The following RPTOR variants were observed in gnomAD, a reference collection of about 807,000 sequenced individuals.
RPTOR encodes regulatory associated protein of MTOR complex 1.
RPTOR carries 21 observed loss-of-function variants against 169.9 expected under a neutral mutation model. That is an observed-to-expected ratio of 0.12 (90% confidence interval 0.09 to 0.18). The LOEUF (loss-of-function observed/expected upper bound fraction) is 0.18, where lower values mean the gene tolerates loss of function less well. RPTOR is among the 10% of genes least tolerant of loss of function. The pLI is 1.00. For missense variants in RPTOR, 1,133 were observed against 1,855.9 expected (o/e 0.61, Z 7.16); for synonymous variants, 732 against 753.2 (o/e 0.97, Z 0.46).
In RPTOR at chr17:80,885,159, C is replaced by A. The variant is rs1344702224; in HGVS notation, c.1983+11C>A. The A allele has an allele frequency of 6.4e-7, 1 of 1,550,534 alleles. No homozygotes were observed. Among genetic ancestry groups the A allele is most frequent in the East Asian group, 2.4e-5 (1 of 41,048 alleles). ...CCCATGGTCCGGAAGGTGCGTGAACCCCCAGCCCGGCAGCAGCAGGGCACC... is the reference window on the plus strand; with the variant it reads ...CCCATGGTCCGGAAGGTGCGTGAACACCCAGCCCGGCAGCAGCAGGGCACC... On this transcript the variant is annotated intron_variant, in intron 17 of 33. Transcript: ENST00000306801.
At chr17:80,862,460 G>A (rs1383581924) in intron 13 of RPTOR, among the ~76,000 whole-genome samples, 1 of 150,400 alleles carries the variant, frequency 6.6e-6, no homozygotes, top group Non-Finnish European at 1.5e-5. Flanking sequence ...GCGGTCCTCC[G>A]GATCTCCACC....
At chr17:80,747,090 G>A (rs1460860054) in intron 5 of RPTOR, among the ~76,000 whole-genome samples, 2 of 152,148 alleles carry the variant, frequency 1.3e-5, no homozygotes, top group Non-Finnish European at 2.9e-5. Flanking sequence ...GGTGGCACTC[G>A]CCTGTGATCC....
At chr17:80,685,627 A>ATTTTTTT (rs1165540456) in intron 3 of RPTOR, among the ~76,000 whole-genome samples, 12 of 30,680 alleles carry the variant, frequency 3.9e-4, no homozygotes, top group Non-Finnish European at 5.4e-4. Context: ...ATATATATAT[A>ATTTTTTT]TTTTTTTTTT....
chr17:80,860,812 T>C lies in RPTOR; in HGVS notation c.1509+2912T>C, dbSNP rs900720134. ...TTCCGGTTCTGGGATCTCTCACTCT[T>C]TTTCTGGGCCTGGGGCACTGACCAT... On this transcript the variant is annotated intron_variant, in intron 13 of 33. Coordinates refer to ENST00000306801, the MANE Select transcript of RPTOR (RefSeq NM_020761.3). The surrounding 1 kb of genome is among the most constrained non-coding windows in gnomAD (Gnocchi z 5.8). Among the ~76,000 whole-genome samples, 1 of 152,010 alleles carries C rather than the reference T, an allele frequency of 6.6e-6. No individual in the cohort carries two copies. The highest frequency in any genetic ancestry group is 1.5e-5 in the Non-Finnish European group (1 of 68,018).
intron 3 of RPTOR, among the ~76,000 whole-genome samples, chr17:80,647,650 G>A (rs1210477579): frequency 6.6e-6 from 1 of 152,162 alleles, no homozygotes. Flanking sequence ...CATTTACTAA[G>A]GAAGATGAAA....
At chr17:80,948,479 A>T (rs1193554379) in intron 27 of RPTOR, 1 of 152,476 alleles carries the variant, frequency 6.6e-6, no homozygotes, top group Admixed American at 6.5e-5. Flanking sequence ...TTTCGGAGAG[A>T]CCAGATGTGA....
intron 18 of RPTOR, among the ~76,000 whole-genome samples, chr17:80,892,159 A>G (rs1341911507): frequency 1.3e-5 from 2 of 151,936 alleles, no homozygotes; most frequent in Non-Finnish European, 2.9e-5. Context: ...GCGATGAGTA[A>G]TTTCATCACA....
intron 25 of RPTOR, among the ~76,000 whole-genome samples, chr17:80,942,436 C>A (rs1231857284): frequency 6.6e-6 from 1 of 150,980 alleles, no homozygotes; most frequent in African/African-American, 2.4e-5. Flanking sequence ...TATTTGTAAA[C>A]CAGAGTTTGT....
chr17:80,606,204 G>T (rs1013694770), intron 1 of RPTOR, among the ~76,000 whole-genome samples: 1 of 151,750 alleles, frequency 6.6e-6, no homozygotes, highest in Non-Finnish European at 1.5e-5. Flanking sequence ...TAGAGACGGG[G>T]TTTCACCATG....
intron 3 of RPTOR, among the ~76,000 whole-genome samples, chr17:80,702,862 T>C (rs571611443): frequency 6.6e-6 from 1 of 152,200 alleles, no homozygotes; most frequent in Non-Finnish European, 1.5e-5. Flanking sequence ...ATGATTTTCC[T>C]GTGGAGCTGT....
intron 6 of RPTOR, among the ~76,000 whole-genome samples, chr17:80,789,153 G>GT (rs747868821): frequency 1.3e-5 from 2 of 152,148 alleles, no homozygotes; most frequent in Non-Finnish European, 2.9e-5. Context: ...TTTATAATGT[G>GT]TAAGTCTCTG....
At chr17:80,896,317 TAGC>T (rs202119891) in intron 20 of RPTOR, among the ~76,000 whole-genome samples, 6,366 of 150,798 alleles carry the variant, frequency 0.042, 178 homozygotes, top group South Asian at 0.059. Flanking sequence ...GCTCCATTCT[TAGC>T]AGCACCCATC....
chr17:80,961,969 T>G (rs1204024031), intron 31 of RPTOR, among the ~76,000 whole-genome samples: 1 of 152,174 alleles, frequency 6.6e-6, no homozygotes, highest in Non-Finnish European at 1.5e-5. Context: ...CCCCCTTGTT[T>G]GTGATATAAA....
intron 24 of RPTOR, among the ~76,000 whole-genome samples, chr17:80,930,390 G>T (rs1355322461): frequency 0.015 from 61 of 4,192 alleles, no homozygotes; most frequent in African/African-American, 0.061. Context: ...GCTCAGCTCA[G>T]CTCATTCTCA....
rs555199303 is a variant in RPTOR, at chr17:80,934,581, A to G, written c.2920-5915A>G. Among the ~76,000 whole-genome samples, 32 of 152,208 alleles carry G rather than the reference A, an allele frequency of 2.1e-4. 1 individual carries two copies. In the South Asian group the frequency reaches 6.4e-3, roughly 31 times the overall value. On this transcript the variant is annotated intron_variant, in intron 24 of 33. Transcript: ENST00000306801. ...GCTATGTTGCTCAGACTGGTCTCAA[A>G]CTTCTGGGCTCAAGCAGCCACCTCA...
intron 7 of RPTOR, among the ~76,000 whole-genome samples, chr17:80,816,496 G>A (rs765345291): frequency 2.6e-5 from 4 of 152,260 alleles, no homozygotes; most frequent in Non-Finnish European, 4.4e-5. Flanking sequence ...CAGGCAAGCC[G>A]AGGGTGAAGG....
intron 1 of RPTOR, among the ~76,000 whole-genome samples, chr17:80,583,518 C>T (rs1226138072): frequency 6.6e-6 from 1 of 152,130 alleles, no homozygotes; most frequent in Non-Finnish European, 1.5e-5. Context: ...GAGGCCTGTC[C>T]CACGTGGGAC....
In RPTOR at chr17:80,831,938, C is replaced by T. The variant is rs2143652542; in HGVS notation, c.1137-5984C>T. Among the ~76,000 whole-genome samples, 3 of 152,332 alleles carry T rather than the reference C, an allele frequency of 2.0e-5. No individual in the cohort carries two copies. The Middle Eastern group carries it at 0.01, about 518-fold the overall frequency. On this transcript the variant is annotated intron_variant, in intron 9 of 33. Transcript: ENST00000306801. ...AAGCCAGTCCATTCCACCATGTTAC[C>T]ATGTTGCAGATTTAGGGAGGCGTAA...
intron 9 of RPTOR, among the ~76,000 whole-genome samples, chr17:80,833,543 G>C (rs548526426): frequency 3.9e-5 from 6 of 152,218 alleles, no homozygotes; most frequent in African/African-American, 1.4e-4. Context: ...ATGGCCTCTC[G>C]TGTGTACGTA....
Sources: allele counts gnomAD v4.1 joint callset (sites outside exome capture counted in the v4.1 genomes callset), GRCh38; gene constraint gnomAD v4.1.1; non-coding constraint Gnocchi (gnomAD v3.1); transcripts MANE v1.5; gene names NCBI Gene and HGNC (gene_info 2026-07-23, HGNC 2026-07-21).